Variants in PCCA observed in about 807,000 individuals in gnomAD.
The protein encoded by PCCA is propionyl-CoA carboxylase subunit alpha, also known as propionyl-CoA carboxylase alpha chain, mitochondrial.
A neutral mutation model predicts 101.3 loss-of-function variants in PCCA; 74 were observed. The ratio of observed to expected loss-of-function variants is 0.73; its 90% CI spans 0.61 to 0.89. The LOEUF (loss-of-function observed/expected upper bound fraction) is 0.89, where lower values mean the gene tolerates loss of function less well. PCCA is among the 40% of genes least tolerant of loss of function. PCCA has a pLI of 0.00. For missense variants in PCCA, 891 were observed against 907.0 expected (o/e 0.98, Z 0.23); for synonymous variants, 294 against 313.6 (o/e 0.94, Z 0.66).
chr13:100,268,627 T>C, intron 10 of PCCA, 62 bp from the exon 11 acceptor site: 1 of 1,155,524 alleles, frequency 8.7e-7, no homozygotes, highest in Non-Finnish European at 1.3e-6. Flanking sequence ...GCGGAAAATA[T>C]TAACCATCAT....
intron 4 of PCCA, among the ~76,000 whole-genome samples, chr13:100,113,720 A>G (rs9557383): frequency 0.29 from 44,066 of 151,626 alleles, 7,356 homozygotes; most frequent in East Asian, 0.7. Context: ...CTGGGATTAC[A>G]GGCATGTGTC....
chr13:100,461,706 C>T (rs1295330398), intron 21 of PCCA, among the ~76,000 whole-genome samples: 1 of 152,180 alleles, frequency 6.6e-6, no homozygotes, highest in East Asian at 1.9e-4. Context: ...TGTAACTTTC[C>T]ACCTGTCCCT....
intron 1 of PCCA, among the ~76,000 whole-genome samples, chr13:100,090,557 C>A (rs1054799041): frequency 6.6e-6 from 1 of 152,112 alleles, no homozygotes; most frequent in African/African-American, 2.4e-5. Flanking sequence ...TACTGAATAT[C>A]TCCTGTCTTC....
At chr13:100,146,436 G>A (rs1376713279) in intron 4 of PCCA, among the ~76,000 whole-genome samples, 1 of 151,832 alleles carries the variant, frequency 6.6e-6, no homozygotes, top group Non-Finnish European at 1.5e-5. Flanking sequence ...TTAGCCAGGT[G>A]TTGTGGCACA....
At chr13:100,232,320 A>G (rs184216257) in intron 7 of PCCA, among the ~76,000 whole-genome samples, 67 of 146,414 alleles carry the variant, frequency 4.6e-4, no homozygotes, top group Admixed American at 2.3e-3. Flanking sequence ...CATGGTAGCT[A>G]GCTGTTTATG....
chr13:100,089,299 C>A, intron 1 of PCCA, 74 bp downstream of exon 1: 1 of 1,343,202 alleles, frequency 7.4e-7, no homozygotes, highest in Non-Finnish European at 9.5e-7. Context: ...GCGGCTGGCG[C>A]CGGGAGAGCG....
At chr13:100,391,450 G>A (rs1300172858) in intron 19 of PCCA, among the ~76,000 whole-genome samples, 3 of 152,140 alleles carry the variant, frequency 2.0e-5, no homozygotes, top group Non-Finnish European at 4.4e-5. Flanking sequence ...AGCAAGAATT[G>A]ACTTAAACAC....
At chr13:100,402,229 AT>A (rs1423219497) in intron 19 of PCCA, among the ~76,000 whole-genome samples, 1 of 152,054 alleles carries the variant, frequency 6.6e-6, no homozygotes, top group Admixed American at 6.5e-5. Context: ...TACAAAAGCT[AT>A]GTTGAAGAGT....
chr13:100,310,034 A>G (rs1178884674), intron 16 of PCCA, 126 bp downstream of exon 16: 2 of 727,306 alleles, frequency 2.7e-6, no homozygotes, highest in Non-Finnish European at 4.9e-6. Flanking sequence ...AAGAGAAATA[A>G]GAAAAACTCA....
chr13:100,128,402 A>T (rs1822999024), intron 4 of PCCA, among the ~76,000 whole-genome samples: 1 of 152,148 alleles, frequency 6.6e-6, no homozygotes, highest in Non-Finnish European at 1.5e-5. Context: ...AAGTGATAGG[A>T]TTGCTGCTTT....
chr13:100,119,191 T>C (rs2049119360), intron 4 of PCCA, among the ~76,000 whole-genome samples: 2 of 152,186 alleles, frequency 1.3e-5, no homozygotes, highest in African/African-American at 4.8e-5. Context: ...TCTTTTTTCT[T>C]ATGTATTTGA....
At chr13:100,178,890 A>C (rs2056495160) in intron 6 of PCCA, among the ~76,000 whole-genome samples, 1 of 151,764 alleles carries the variant, frequency 6.6e-6, no homozygotes, top group South Asian at 2.1e-4. Context: ...ATCTTGGCTA[A>C]CACTGTGAAA....
intron 12 of PCCA, among the ~76,000 whole-genome samples, chr13:100,287,824 T>TTA (rs397806328): frequency 5.3e-4 from 81 of 151,938 alleles, no homozygotes; most frequent in African/African-American, 1.9e-3. Context: ...GGGGTTTTTT[T>TTA]AATCAAGAAT....
intron 12 of PCCA, among the ~76,000 whole-genome samples, chr13:100,280,136 G>A (rs946328286): frequency 3.3e-5 from 5 of 151,760 alleles, no homozygotes; most frequent in African/African-American, 1.2e-4. Context: ...ACCGCGTTTG[G>A]TGCATTAATA....
intron 20 of PCCA, among the ~76,000 whole-genome samples, chr13:100,442,435 A>G (rs1015701038): frequency 6.6e-6 from 1 of 152,236 alleles, no homozygotes; most frequent in African/African-American, 2.4e-5. Context: ...CTATGGTCAC[A>G]CATTCATTGA....
At chr13:100,469,501 G>A (rs1792506372) in intron 21 of PCCA, among the ~76,000 whole-genome samples, 1 of 151,938 alleles carries the variant, frequency 6.6e-6, no homozygotes, top group South Asian at 2.1e-4. Flanking sequence ...TGGTGTGGCC[G>A]GGCACGGTGG....
intron 19 of PCCA, among the ~76,000 whole-genome samples, chr13:100,380,964 G>A (rs757924395): frequency 2.6e-5 from 4 of 152,190 alleles, no homozygotes; most frequent in Non-Finnish European, 2.9e-5. Context: ...ATATGCAATT[G>A]CCGGTAAGCA....
chr13:100,096,403 T>C (rs2046778570), intron 1 of PCCA, among the ~76,000 whole-genome samples: 1 of 152,228 alleles, frequency 6.6e-6, no homozygotes, highest in Non-Finnish European at 1.5e-5. Context: ...GAGTTTTGAC[T>C]TCTCCAAGCA....
intron 4 of PCCA, among the ~76,000 whole-genome samples, chr13:100,137,530 A>G (rs1356555335): frequency 6.6e-6 from 1 of 152,222 alleles, no homozygotes; most frequent in Non-Finnish European, 1.5e-5. Context: ...AGGAACATAC[A>G]CATTAAGGAT....
Sources: allele counts gnomAD v4.1 joint callset (sites outside exome capture counted in the v4.1 genomes callset), GRCh38; gene constraint gnomAD v4.1.1; transcripts MANE v1.5; gene names NCBI Gene and HGNC (gene_info 2026-07-23, HGNC 2026-07-21).